CRACR2A: variants seen among roughly 807,000 people sequenced by gnomAD.
CRACR2A encodes the protein EF-hand calcium-binding domain-containing protein 4B.
A neutral mutation model predicts 90.5 loss-of-function variants in CRACR2A; 79 were observed. The observed-to-expected ratio is 0.87, with a 90% confidence interval of 0.73 to 1.05. The LOEUF (loss-of-function observed/expected upper bound fraction) is 1.05, where lower values mean the gene tolerates loss of function less well. Among genes scored for constraint, CRACR2A ranks in the 50% least tolerant of loss-of-function variants. The pLI is 0.00. For synonymous variants in CRACR2A, 338 were observed against 356.7 expected (o/e 0.95, Z 0.59); for missense variants, 823 against 897.2 (o/e 0.92, Z 1.06).
intron 7 of CRACR2A, among the ~76,000 whole-genome samples, chr12:3,666,364 T>TGCGCGC (rs1555112150): frequency 8.7e-5 from 13 of 149,600 alleles, no homozygotes; most frequent in African/African-American, 3.2e-4. Flanking sequence ...TGCGTGCGTG[T>TGCGCGC]GCGCGTGCGC....
At chr12:3,679,221 C>A in intron 5 of CRACR2A, 123 bp from the exon 6 acceptor site, 1 of 1,011,472 alleles carries the variant, frequency 9.9e-7, no homozygotes. Context: ...GGGAAAGCCC[C>A]TCCAGCAAAG....
intron 1 of CRACR2A, among the ~76,000 whole-genome samples, chr12:3,739,934 A>AAAAAAT (rs1946500489): frequency 6.6e-6 from 1 of 151,546 alleles, no homozygotes; most frequent in Non-Finnish European, 1.5e-5. Flanking sequence ...CCGTCTCAAA[A>AAAAAAT]AAAAAAAAAA....
At chr12:3,741,926 T>G (rs1269568449) in intron 1 of CRACR2A, among the ~76,000 whole-genome samples, 1 of 152,238 alleles carries the variant, frequency 6.6e-6, no homozygotes, top group East Asian at 1.9e-4. Flanking sequence ...TGGGCACATG[T>G]GTCCTCTCAG....
At chr12:3,617,097 A>G (rs1867702173) in intron 18 of CRACR2A, 67 bp from the exon 19 acceptor site, 2 of 1,230,962 alleles carry the variant, frequency 1.6e-6, no homozygotes, top group Middle Eastern at 3.7e-4. Flanking sequence ...GGGTGGTGGG[A>G]GAGCCCCCTT....
At chr12:3,645,205 TGGA>T (rs1944661896) in intron 11 of CRACR2A, among the ~76,000 whole-genome samples, 1 of 152,172 alleles carries the variant, frequency 6.6e-6, no homozygotes, top group African/African-American at 2.4e-5. Context: ...AGCCAGAGTG[TGGA>T]GTAGTATTTC....
At chr12:3,712,311 C>T (rs183226154) in intron 3 of CRACR2A, among the ~76,000 whole-genome samples, 346 of 152,114 alleles carry the variant, frequency 2.3e-3, no homozygotes, top group Admixed American at 4.3e-3. Flanking sequence ...ATACTCGAGA[C>T]TGGGTAATTT....
At chr12:3,700,745 G>C (rs757022494) in intron 3 of CRACR2A, among the ~76,000 whole-genome samples, 1 of 152,122 alleles carries the variant, frequency 6.6e-6, no homozygotes, top group African/African-American at 2.4e-5. Flanking sequence ...AGGAAAAATA[G>C]CAAAGTCACA....
intron 2 of CRACR2A, among the ~76,000 whole-genome samples, chr12:3,713,962 G>A (rs751429374): frequency 6.6e-6 from 1 of 152,184 alleles, no homozygotes; most frequent in Non-Finnish European, 1.5e-5. Flanking sequence ...CATGGTCTGA[G>A]AGCATGCTTG....
At chr12:3,744,963 T>G (rs1447000670) in intron 1 of CRACR2A, among the ~76,000 whole-genome samples, 1 of 152,174 alleles carries the variant, frequency 6.6e-6, no homozygotes, top group Non-Finnish European at 1.5e-5. Flanking sequence ...TTTATCACAA[T>G]GAAACAGTGA....
chr12:3,620,552 A>G (rs1466999812), intron 17 of CRACR2A, among the ~76,000 whole-genome samples: 2 of 152,138 alleles, frequency 1.3e-5, no homozygotes, highest in South Asian at 2.1e-4. Context: ...TTAATAGGGG[A>G]AAAAAATTCT....
At chr12:3,644,720 A>T (rs192674341) in intron 11 of CRACR2A, 80 bp from the exon 12 acceptor site, 138 of 1,308,906 alleles carry the variant, frequency 1.1e-4, no homozygotes, top group Non-Finnish European at 1.4e-4. Flanking sequence ...TGCTATTCAG[A>T]TGGGTGCAGG....
At chr12:3,719,248 C>T (rs1398771378) in intron 2 of CRACR2A, among the ~76,000 whole-genome samples, 1 of 152,122 alleles carries the variant, frequency 6.6e-6, no homozygotes, top group African/African-American at 2.4e-5. Flanking sequence ...GAAAGAAAAC[C>T]AGACTTGGGA....
chr12:3,664,437 T>C (rs1945091576), intron 7 of CRACR2A, among the ~76,000 whole-genome samples: 1 of 152,230 alleles, frequency 6.6e-6, no homozygotes, highest in South Asian at 2.1e-4. Flanking sequence ...AAAGTCTTTT[T>C]TTTTATTAAG....
intron 2 of CRACR2A, among the ~76,000 whole-genome samples, chr12:3,725,583 T>G (rs190451790): frequency 6.6e-6 from 1 of 152,190 alleles, no homozygotes; most frequent in Non-Finnish European, 1.5e-5. Context: ...TAAGGTCATA[T>G]TCACCAGTTC....
intron 2 of CRACR2A, among the ~76,000 whole-genome samples, chr12:3,719,518 C>A (rs914166738): frequency 6.6e-6 from 1 of 152,182 alleles, no homozygotes; most frequent in East Asian, 1.9e-4. Flanking sequence ...GGTTTCTTTG[C>A]ATCACCCAAA....
intron 7 of CRACR2A, among the ~76,000 whole-genome samples, chr12:3,669,035 A>G (rs1329021490): frequency 6.6e-6 from 1 of 152,238 alleles, no homozygotes; most frequent in African/African-American, 2.4e-5. Flanking sequence ...CAGAGGATTG[A>G]GCAGGAGCCC....
chr12:3,730,124 A>T (rs1946338764), intron 2 of CRACR2A: 1 of 152,212 alleles, frequency 6.6e-6, no homozygotes, highest in Admixed American at 6.5e-5. Context: ...GCAGGGGCCG[A>T]TGAAGAAGAA....
rs559160457 is a variant in CRACR2A, at chr12:3,677,820, C to T, written c.524+1095G>A. ...TGAGTTCCACTTCCTGTGTAGCGCC[C>T]CCACCAGGATCTTCCCCAGGCACTT... is the stretch of plus-strand genomic sequence containing the variant. On this transcript the variant is annotated intron_variant, in intron 6 of 19. Transcript: ENST00000440314. Among the ~76,000 whole-genome samples, 46 of 152,354 alleles carry T rather than the reference C, an allele frequency of 3.0e-4. 1 individual carries two copies. Among genetic ancestry groups the T allele is most frequent in the African/African-American group, 1.1e-3 (44 of 41,582 alleles).
intron 6 of CRACR2A, among the ~76,000 whole-genome samples, chr12:3,677,467 G>A (rs893601587): frequency 2.0e-5 from 3 of 152,124 alleles, no homozygotes; most frequent in African/African-American, 4.8e-5. Flanking sequence ...TCAGAGTCAC[G>A]TCTGGTGGAC....
Sources: allele counts gnomAD v4.1 joint callset (sites outside exome capture counted in the v4.1 genomes callset), GRCh38; gene constraint gnomAD v4.1.1; transcripts MANE v1.5; gene names NCBI Gene and HGNC (gene_info 2026-07-23, HGNC 2026-07-21).